CRYL1: variants seen among roughly 807,000 people sequenced by gnomAD.
CRYL1 encodes crystallin lambda 1, also known as lambda-crystallin homolog.
CRYL1 carries 29 observed loss-of-function variants against 36.6 expected under a neutral mutation model. The observed-to-expected ratio is 0.79, with a 90% CI of 0.59 to 1.08. The LOEUF (loss-of-function observed/expected upper bound fraction) is 1.08. Among genes scored for constraint, CRYL1 ranks in the 50% least tolerant of loss-of-function variants. The probability of loss-of-function intolerance (pLI) is 0.00; values close to 1 mark genes in which losing one functional copy is unlikely to be tolerated. For synonymous variants in CRYL1, 152 were observed against 151.5 expected, an observed-to-expected ratio of 1.00 and a Z score of -0.02; for missense variants, 411 against 407.9, an observed-to-expected ratio of 1.01 and a Z score of -0.06.
At chr13:20,503,441 G>A (rs1008587531) in intron 2 of CRYL1, among the ~76,000 whole-genome samples, 3 of 152,222 alleles carry the variant, frequency 2.0e-5, no homozygotes, top group Non-Finnish European at 2.9e-5. Flanking sequence ...GTGCTGGATG[G>A]TGCTGGCTGG....
rs115743937 is a variant in CRYL1 at position 20,431,780 on chromosome 13, G to T, written c.633+322C>A. 1,224 of 1,260,356 alleles carry T rather than the reference G, an allele frequency of 9.7e-4. 13 individuals are homozygous for T. In the African/African-American group the frequency reaches 0.017, roughly 18 times the overall value. The allele number at this position is 1,260,356 out of a possible 1,614,324, so 78.1% of individuals were successfully genotyped here. A position where few individuals can be genotyped will look rare whatever the true frequency, so the allele number is the denominator to read the frequency against. On this transcript the variant is annotated intron_variant, in intron 5 of 7. Transcript: ENST00000298248. Reference sequence around the variant, plus strand: ...ACACTGAGGGGTAAAAGCTGCCTCTGTGGGAAAATGCAGTGGGCCACATAG... The same window carrying T: ...ACACTGAGGGGTAAAAGCTGCCTCTTTGGGAAAATGCAGTGGGCCACATAG...
Position 20,524,629 on chromosome 13 carries a change from G to A in CRYL1, c.41+1125C>T, listed in dbSNP as rs182497131. Among the ~76,000 whole-genome samples, 31 of 152,168 alleles carry A rather than the reference G, an allele frequency of 2.0e-4. No homozygotes were observed. In the East Asian group the frequency reaches 2.3e-3, roughly 11 times the overall value. ...CGACCTCAGATGATCCGCCTGCCTC[G>A]GCCTCCCAACGTGCTGGGATTACAG... On this transcript the variant is annotated intron_variant, in intron 1 of 7. Transcript: ENST00000298248.
chr13:20,452,996 G>A (rs1469804354), intron 3 of CRYL1, among the ~76,000 whole-genome samples: 1 of 152,142 alleles, frequency 6.6e-6, no homozygotes, highest in Non-Finnish European at 1.5e-5. Context: ...ATTGAAAGGA[G>A]AAATAAACAA....
chr13:20,484,589 T>G (rs1184326072), intron 3 of CRYL1, among the ~76,000 whole-genome samples: 2 of 152,098 alleles, frequency 1.3e-5, no homozygotes, highest in Non-Finnish European at 2.9e-5. Context: ...CGATAATCGC[T>G]TGAACCCAGG....
intron 3 of CRYL1, among the ~76,000 whole-genome samples, chr13:20,462,595 G>T (rs1456406182): frequency 6.6e-6 from 1 of 150,666 alleles, no homozygotes; most frequent in African/African-American, 2.5e-5. Flanking sequence ...TCCAAGGAGA[G>T]ATCACAAGTT....
intron 3 of CRYL1, among the ~76,000 whole-genome samples, chr13:20,477,807 TC>T (rs2033194449): frequency 2.1e-5 from 3 of 146,066 alleles, no homozygotes; most frequent in Non-Finnish European, 3.0e-5. Context: ...CATTATGTAT[TC>T]TATTATATAT....
chr13:20,429,020 C>A (rs141384038), intron 5 of CRYL1, among the ~76,000 whole-genome samples: 7 of 152,300 alleles, frequency 4.6e-5, no homozygotes, highest in African/African-American at 1.7e-4. Context: ...GAAGCGCCCA[C>A]ACCAGTGAGT....
intron 3 of CRYL1, among the ~76,000 whole-genome samples, chr13:20,487,000 T>C (rs1347068929): frequency 2.0e-5 from 3 of 152,230 alleles, no homozygotes; most frequent in Non-Finnish European, 2.9e-5. Context: ...TCTATTATAA[T>C]GTTCTCATAT....
At chr13:20,511,628 T>C (rs1341487757) in intron 2 of CRYL1, among the ~76,000 whole-genome samples, 1 of 152,214 alleles carries the variant, frequency 6.6e-6, no homozygotes, top group South Asian at 2.1e-4. Context: ...ATTCAAGTCA[T>C]ATATTCATGG....
chr13:20,501,200 C>T (rs2033697683), intron 2 of CRYL1, among the ~76,000 whole-genome samples: 1 of 152,188 alleles, frequency 6.6e-6, no homozygotes, highest in South Asian at 2.1e-4. Context: ...CTGTGAGCAG[C>T]AGCACCTAGA....
chr13:20,436,588 T>A (rs113654015), intron 4 of CRYL1, among the ~76,000 whole-genome samples: 2,306 of 152,184 alleles, frequency 0.015, 68 homozygotes, highest in African/African-American at 0.053. Flanking sequence ...GCCTTCAGTG[T>A]GGCCGTCAGC....
chr13:20,458,743 C>T (rs1473038935), intron 3 of CRYL1, among the ~76,000 whole-genome samples: 14 of 152,152 alleles, frequency 9.2e-5, no homozygotes, highest in Non-Finnish European at 5.9e-5. Context: ...CCAAATAGTG[C>T]CGTTCTGGAC....
chr13:20,494,313 T>A (rs879602213), intron 2 of CRYL1, among the ~76,000 whole-genome samples: 2 of 152,364 alleles, frequency 1.3e-5, no homozygotes, highest in East Asian at 1.9e-4. Flanking sequence ...TAAGACTATT[T>A]CCTTTTCATA....
intron 3 of CRYL1, among the ~76,000 whole-genome samples, chr13:20,470,319 C>A (rs937362846): frequency 1.1e-4 from 16 of 152,172 alleles, no homozygotes; most frequent in Non-Finnish European, 1.8e-4. Context: ...TGTGCTTCCC[C>A]AGAATGCAGG....
chr13:20,501,203 C>A (rs1247772299), intron 2 of CRYL1, among the ~76,000 whole-genome samples: 4 of 152,194 alleles, frequency 2.6e-5, no homozygotes, highest in African/African-American at 9.7e-5. Context: ...TGAGCAGCAG[C>A]ACCTAGACCA....
intron 1 of CRYL1, among the ~76,000 whole-genome samples, chr13:20,521,011 G>C (rs958524936): frequency 6.7e-6 from 1 of 148,934 alleles, no homozygotes; most frequent in Non-Finnish European, 1.5e-5. Context: ...GGCTGAGGCA[G>C]GAGAATCCCG....
intron 4 of CRYL1, among the ~76,000 whole-genome samples, chr13:20,432,789 G>A (rs2032102231): frequency 6.6e-6 from 1 of 152,114 alleles, no homozygotes; most frequent in South Asian, 2.1e-4. Context: ...AGGTCGAGGT[G>A]GAGGGATCAC....
At chr13:20,512,572 G>T in intron 1 of CRYL1, 22 bp from the exon 2 acceptor site, 1 of 1,566,162 alleles carries the variant, frequency 6.4e-7, no homozygotes, top group African/African-American at 1.4e-5. Context: ...TAAAAGAAAG[G>T]ATTCGAGTTA....
intron 3 of CRYL1, among the ~76,000 whole-genome samples, chr13:20,452,582 G>C (rs1184743335): frequency 6.6e-6 from 1 of 152,284 alleles, no homozygotes; most frequent in East Asian, 1.9e-4. Context: ...GAGTACAGAG[G>C]ATTTTTAGGG....
Sources: allele counts gnomAD v4.1 joint callset (sites outside exome capture counted in the v4.1 genomes callset), GRCh38; gene constraint gnomAD v4.1.1; transcripts MANE v1.5; gene names NCBI Gene and HGNC (gene_info 2026-07-23, HGNC 2026-07-21).